Variants in NEGR1 observed in about 807,000 individuals in gnomAD.
NEGR1 encodes IgLON family member 4.
Under a neutral mutation model 40.9 loss-of-function variants are expected in NEGR1, and 10 were observed. The ratio of observed to expected loss-of-function variants is 0.24; its 90% CI spans 0.15 to 0.42. NEGR1 has a LOEUF of 0.42. Ranked by LOEUF, NEGR1 falls within the 10% of genes least tolerant of loss-of-function variation. The pLI, the probability that NEGR1 is intolerant of heterozygous loss-of-function variation, is 1.00. For missense variants in NEGR1, 352 were observed against 438.9 expected (o/e 0.80, Z 1.77); for synonymous variants, 185 against 166.8 (o/e 1.11, Z -0.84).
At chr1:72,148,880 G>C (rs1651013214) in intron 1 of NEGR1, among the ~76,000 whole-genome samples, 1 of 152,096 alleles carries the variant, frequency 6.6e-6, no homozygotes, top group South Asian at 2.1e-4. Context: ...CAAGTTTGTA[G>C]GAGGTTCCAA....
At chr1:72,030,770 C>T (rs944424446) in intron 1 of NEGR1, among the ~76,000 whole-genome samples, 2 of 152,060 alleles carry the variant, frequency 1.3e-5, no homozygotes, top group East Asian at 1.9e-4. Flanking sequence ...AGGATTAATG[C>T]CGGATACCCT....
At chr1:72,159,464 C>T (rs1425074087) in intron 1 of NEGR1, among the ~76,000 whole-genome samples, 1 of 152,042 alleles carries the variant, frequency 6.6e-6, no homozygotes, top group Non-Finnish European at 1.5e-5. Flanking sequence ...TGTAAAACCT[C>T]CCTGTGGTCT....
In NEGR1 at chr1:71,624,424, C is replaced by T. The variant is rs576466268; in HGVS notation, c.668-13278G>A. ...GTGTTTCTGTTAAAAGAAGACAAAT[C>T]CTACATCCTTGCTACACACAACTAT... On this transcript the variant is annotated intron_variant, in intron 4 of 6. Coordinates refer to ENST00000357731, the MANE Select transcript of NEGR1 (RefSeq NM_173808.3). 2.0e-5 allele frequency among the ~76,000 whole-genome samples: 3 copies of T among 152,052 alleles called. No homozygotes were observed. In the East Asian group the frequency reaches 5.8e-4, roughly 30 times the overall value.
chr1:71,564,858 C>T (rs1024301445), intron 6 of NEGR1, among the ~76,000 whole-genome samples: 4 of 152,078 alleles, frequency 2.6e-5, no homozygotes, highest in Non-Finnish European at 4.4e-5. Context: ...TGCCCTATGA[C>T]ATTAGGTTAC....
At chr1:72,138,953 T>C (rs942329543) in intron 1 of NEGR1, among the ~76,000 whole-genome samples, 4 of 151,996 alleles carry the variant, frequency 2.6e-5, no homozygotes, top group African/African-American at 7.2e-5. Flanking sequence ...TTCTGGGTCA[T>C]AAAAATGTCT....
At chr1:71,568,781 TAAG>T (rs1274925270) in intron 6 of NEGR1, among the ~76,000 whole-genome samples, 1 of 151,544 alleles carries the variant, frequency 6.6e-6, no homozygotes, top group Non-Finnish European at 1.5e-5. Flanking sequence ...AATAAAATTA[TAAG>T]AATTATGTTT....
At chr1:71,793,394 C>A (rs919253881) in intron 2 of NEGR1, among the ~76,000 whole-genome samples, 1 of 147,146 alleles carries the variant, frequency 6.8e-6, no homozygotes, top group Admixed American at 7.0e-5. Flanking sequence ...CAGGCATGAG[C>A]CACCACGCCC....
intron 1 of NEGR1, among the ~76,000 whole-genome samples, chr1:72,240,331 A>T (rs746417159): frequency 2.6e-5 from 4 of 151,882 alleles, no homozygotes; most frequent in Non-Finnish European, 5.9e-5. Flanking sequence ...AAAGATTAAC[A>T]GCATAAACAA....
At chr1:71,980,936 G>C (rs1646349174) in intron 1 of NEGR1, among the ~76,000 whole-genome samples, 1 of 151,808 alleles carries the variant, frequency 6.6e-6, no homozygotes, top group African/African-American at 2.4e-5. Flanking sequence ...GTCTATCTTT[G>C]TGTGATCCCT....
chr1:71,953,875 A>C (rs1233303839), intron 1 of NEGR1, among the ~76,000 whole-genome samples: 1 of 152,046 alleles, frequency 6.6e-6, no homozygotes, highest in East Asian at 1.9e-4. Context: ...ATGACAACAT[A>C]ATGTAAACAC....
chr1:71,480,420 A>G (rs565210371), intron 6 of NEGR1, among the ~76,000 whole-genome samples: 1 of 151,786 alleles, frequency 6.6e-6, no homozygotes, highest in South Asian at 2.1e-4. Context: ...CCTTTTCTCT[A>G]TCTCTCTTCC....
intron 5 of NEGR1, among the ~76,000 whole-genome samples, chr1:71,595,937 T>A (rs1168089825): frequency 1.3e-5 from 2 of 152,166 alleles, no homozygotes; most frequent in East Asian, 3.9e-4. Context: ...CTAATATGAT[T>A]GTCTATAACT....
intron 1 of NEGR1, among the ~76,000 whole-genome samples, chr1:72,067,251 T>C (rs899419999): frequency 2.6e-5 from 4 of 152,098 alleles, no homozygotes; most frequent in African/African-American, 9.7e-5. Flanking sequence ...ACATTAGAGA[T>C]TTAAATTTTG....
intron 6 of NEGR1, 150 bp from the exon 7 acceptor site, chr1:71,407,720 A>G: frequency 1.5e-6 from 1 of 646,158 alleles, no homozygotes; most frequent in Non-Finnish European, 2.7e-6. Context: ...CTATATGACA[A>G]CGTGTGGGCT....
chr1:71,874,015 G>C lies in NEGR1; in HGVS notation c.409+61064C>G, dbSNP rs570999432. ...TGTTAATTGCCTGAAAGAGTGCTTC[G>C]ATTTGCTATTTTCTACAAACAGTAT... On this transcript the variant is annotated intron_variant, in intron 2 of 6. Coordinates refer to ENST00000357731, the MANE Select transcript of NEGR1 (RefSeq NM_173808.3). 4.6e-5 allele frequency among the ~76,000 whole-genome samples: 7 copies of C among 152,204 alleles called. No individual in the cohort carries two copies. In the South Asian group the frequency reaches 1.4e-3, roughly 32 times the overall value.
At chr1:71,711,125 C>A (rs1654067985) in intron 3 of NEGR1, among the ~76,000 whole-genome samples, 2 of 151,302 alleles carry the variant, frequency 1.3e-5, no homozygotes, top group African/African-American at 2.4e-5. Context: ...ATCACGAGGT[C>A]AGGAGATAGA....
chr1:71,442,632 TA>T (rs1646555782), intron 6 of NEGR1, among the ~76,000 whole-genome samples: 1 of 152,040 alleles, frequency 6.6e-6, no homozygotes. Context: ...AATAAATAAA[TA>T]AATTAATGAA....
intron 2 of NEGR1, among the ~76,000 whole-genome samples, chr1:71,786,985 C>T (rs979573492): frequency 7.9e-5 from 12 of 152,178 alleles, no homozygotes; most frequent in African/African-American, 2.9e-4. Flanking sequence ...CATGTGGAGG[C>T]ACCACATGCG....
intron 2 of NEGR1, among the ~76,000 whole-genome samples, chr1:71,875,833 G>A (rs1660412288): frequency 6.6e-6 from 1 of 152,098 alleles, no homozygotes; most frequent in Admixed American, 6.6e-5. Flanking sequence ...CTTCGCTTGA[G>A]TATTGTCTCT....
Sources: allele counts gnomAD v4.1 joint callset (sites outside exome capture counted in the v4.1 genomes callset), GRCh38; gene constraint gnomAD v4.1.1; transcripts MANE v1.5; gene names NCBI Gene and HGNC (gene_info 2026-07-23, HGNC 2026-07-21).